Variants in XPO4 observed in about 807,000 individuals in gnomAD.
XPO4 encodes exportin-4.
In XPO4, 39 loss-of-function variants were observed where a neutral mutation model predicts 143.0. The ratio of observed to expected loss-of-function variants is 0.27; its 90% CI spans 0.21 to 0.36. The LOEUF is 0.36. Ranked by LOEUF, XPO4 falls within the 10% of genes least tolerant of loss-of-function variation. The pLI is 1.00. For missense variants in XPO4, 907 were observed against 1,348.0 expected (o/e 0.67, Z 5.12); for synonymous variants, 439 against 474.0 (o/e 0.93, Z 0.96).
intron 14 of XPO4, 61 bp from the exon 15 acceptor site, chr13:20,800,386 AC>A: frequency 1.3e-6 from 2 of 1,521,482 alleles, no homozygotes; most frequent in African/African-American, 1.4e-5. Context: ...GAAAAAAAAA[AC>A]AGAGAAAAAT....
chr13:20,853,725 T>C (rs1226719403), intron 4 of XPO4, among the ~76,000 whole-genome samples: 1 of 152,194 alleles, frequency 6.6e-6, no homozygotes, highest in East Asian at 1.9e-4. Context: ...CACTATCCAA[T>C]ACGTTTGTCA....
At chr13:20,795,259 G>T (rs1185554724) in intron 18 of XPO4, among the ~76,000 whole-genome samples, 1 of 152,118 alleles carries the variant, frequency 6.6e-6, no homozygotes, top group Non-Finnish European at 1.5e-5. Context: ...AGTCAAGGTT[G>T]GCAGTGAGAT....
chr13:20,787,317 T>C (rs2059218768), intron 21 of XPO4, among the ~76,000 whole-genome samples, 164 bp downstream of exon 21: 1 of 152,202 alleles, frequency 6.6e-6, no homozygotes. Flanking sequence ...GATGAGAATG[T>C]GTCCATGAAG....
At chr13:20,825,697 G>A (rs2059776125) in intron 7 of XPO4, among the ~76,000 whole-genome samples, 1 of 152,120 alleles carries the variant, frequency 6.6e-6, no homozygotes, top group Admixed American at 6.6e-5. Flanking sequence ...ACAAAGACTT[G>A]GACTTGGATT....
intron 1 of XPO4, among the ~76,000 whole-genome samples, chr13:20,901,402 G>A (rs1489319266): frequency 1.3e-5 from 2 of 152,102 alleles, no homozygotes; most frequent in South Asian, 2.1e-4. Flanking sequence ...CAATGAAAAC[G>A]GAGCCCCTAG....
intron 3 of XPO4, chr13:20,856,823 T>G: frequency 2.0e-6 from 2 of 985,026 alleles, no homozygotes; most frequent in Non-Finnish European, 2.4e-6. Flanking sequence ...TCTGAACTTC[T>G]ATTCCCTCTC....
In XPO4 at chr13:20,802,129, T is replaced by C. The variant is rs147359439; in HGVS notation, c.1818-1139A>G. ...GCAGTATGCCCAGACACAGTCACGG[T>C]CCACTGCAGCTTTAACTTTTTGGGT... On this transcript the variant is annotated intron_variant, in intron 13 of 22. Transcript: ENST00000255305. Among the ~76,000 whole-genome samples the C allele has an allele frequency of 1.3e-4, 20 of 152,176 alleles. No homozygotes were observed. In the East Asian group the frequency reaches 3.9e-3, roughly 29 times the overall value.
At chr13:20,790,410 T>G (rs1373156389) in intron 19 of XPO4, 52 bp downstream of exon 19, 11 of 1,366,780 alleles carry the variant, frequency 8.0e-6, no homozygotes, top group Non-Finnish European at 1.0e-5. Context: ...TAAAGTATCT[T>G]TGAACTTCAG....
At chr13:20,876,264 G>GAAAAA (rs35708026) in intron 1 of XPO4, among the ~76,000 whole-genome samples, 7 of 81,926 alleles carry the variant, frequency 8.5e-5, no homozygotes, top group South Asian at 3.7e-4. Flanking sequence ...CTCCATCTCG[G>GAAAAA]AAAAAAAAAA....
intron 1 of XPO4, chr13:20,902,395 G>C (rs2060629749): frequency 1.0e-6 from 1 of 985,306 alleles, no homozygotes; most frequent in Admixed American, 6.2e-5. Flanking sequence ...CAGGGTGTAA[G>C]GTGAAGAAAT....
In XPO4 at chr13:20,808,547, G is replaced by C. The variant is rs780514941; in HGVS notation, c.1528C>G (p.Gln510Glu). 13 of 1,554,722 alleles carry C rather than the reference G, an allele frequency of 8.4e-6. No individual in the cohort carries two copies. The South Asian group carries it at 1.6e-4, about 19-fold the overall frequency. The change falls in exon 12 of 23, where the codon CAG (glutamine) becomes GAG (glutamate). Residue 510 changes from glutamine to glutamate, a missense_variant. Gln to Glu is a conservative substitution (Grantham distance 29, BLOSUM62 2). Transcript: ENST00000255305. ...AACTGTTGCTGATGTCGTTGTAACTGACCATGGAGTCTTGTTACTCTTTCT... is the reference window on the plus strand; with the variant it reads ...AACTGTTGCTGATGTCGTTGTAACTCACCATGGAGTCTTGTTACTCTTTCT... ...LEERVTRLHG[Q>E]LQRHQQQLLA... is the part of the protein sequence containing the mutation.
rs1215417854 is a variant in XPO4 at position 20,777,392 on chromosome 13, ATT to A, written c.*6328_*6329del. ...ATTATATTTCATCCATCACTTTTAA[ATT>A]TTTTCTTTGGGAGGAACACTTATAA... On this transcript the variant is annotated 3_prime_UTR_variant, in exon 23 of 23. Coordinates refer to ENST00000255305, the MANE Select transcript of XPO4 (RefSeq NM_022459.5). The A allele has an allele frequency of 6.6e-6, 1 of 152,138 alleles. No homozygotes were observed. Among genetic ancestry groups the A allele is most frequent in the Non-Finnish European group, 1.5e-5 (1 of 68,024 alleles). The allele number at this position is 152,138 out of a possible 1,614,324, so 9.4% of individuals were successfully genotyped here.
chr13:20,785,778 G>C (rs1234276378), intron 22 of XPO4, among the ~76,000 whole-genome samples: 2 of 149,768 alleles, frequency 1.3e-5, no homozygotes, highest in African/African-American at 2.5e-5. Context: ...TGTTAAAAGA[G>C]AGGGAGAGAG....
intron 6 of XPO4, among the ~76,000 whole-genome samples, chr13:20,828,767 A>G (rs185028873): frequency 1.1e-3 from 171 of 152,320 alleles, no homozygotes; most frequent in African/African-American, 3.9e-3. Context: ...AAAAGAAAGA[A>G]GCCCGAATTT....
intron 4 of XPO4, among the ~76,000 whole-genome samples, chr13:20,850,590 C>A (rs2060074894): frequency 6.6e-6 from 1 of 151,932 alleles, no homozygotes; most frequent in East Asian, 1.9e-4. Flanking sequence ...ATAGTGAGAC[C>A]CCATCTTTAC....
chr13:20,886,097 A>T (rs1365292200), intron 1 of XPO4, among the ~76,000 whole-genome samples: 2 of 152,236 alleles, frequency 1.3e-5, no homozygotes, highest in African/African-American at 4.8e-5. Context: ...GCATAAATAC[A>T]TTGCACCTTT....
chr13:20,850,702 C>A (rs759174127), intron 4 of XPO4: 20 of 709,744 alleles, frequency 2.8e-5, no homozygotes, highest in Non-Finnish European at 3.5e-5. Flanking sequence ...GTGATCGAGG[C>A]AGCAGTGAGT....
chr13:20,813,325 A>G (rs956458683), intron 9 of XPO4, among the ~76,000 whole-genome samples: 12 of 152,208 alleles, frequency 7.9e-5, no homozygotes, highest in African/African-American at 2.9e-4. Context: ...TAGAACATAT[A>G]TAGACTTTCT....
rs528403286 is a variant in XPO4, at chr13:20,799,419, CAA to C, written c.2148-82_2148-81del. On this transcript the variant is annotated intron_variant, in intron 15 of 22. Coordinates refer to ENST00000255305, the MANE Select transcript of XPO4 (RefSeq NM_022459.5). ...CATACACATATACACACAAAGAAAA[CAA>C]AAATAAAAAATAACTAGATTTAATT... 390 of 1,228,290 alleles carry C rather than the reference CAA, an allele frequency of 3.2e-4. 2 individuals carry two copies. The African/African-American group carries it at 4.9e-3, about 16-fold the overall frequency. The allele number at this position is 1,228,290 out of a possible 1,614,324, so 76.1% of individuals were successfully genotyped here.
Sources: allele counts gnomAD v4.1 joint callset (sites outside exome capture counted in the v4.1 genomes callset), GRCh38; gene constraint gnomAD v4.1.1; transcripts MANE v1.5; gene names NCBI Gene and HGNC (gene_info 2026-07-23, HGNC 2026-07-21).